The following DMD variants were observed in gnomAD, a reference collection of about 807,000 sequenced individuals.
DMD encodes dystrophin, also known as mutant dystrophin.
In DMD, 63 loss-of-function variants were observed where a neutral mutation model predicts 330.1. The ratio of observed to expected loss-of-function variants is 0.19; its 90% confidence interval spans 0.16 to 0.24. The LOEUF is 0.24. Among genes scored for constraint, DMD ranks in the 10% least tolerant of loss-of-function variants. The pLI is 1.00. For missense variants in DMD, 3,344 were observed against 2,684.1 expected (o/e 1.25, Z -5.43); for synonymous variants, 1,223 against 959.8 (o/e 1.27, Z -5.07).
intron 54 of DMD, among the ~76,000 whole-genome samples, chrX:31,650,447 G>C (rs2080387360): frequency 9.0e-6 from 1 of 111,202 alleles, no homozygotes; most frequent in Admixed American, 9.6e-5. Context: ...AACATCTGAT[G>C]AATTGTTTCA....
chrX:32,571,464 T>A (rs1043858667), intron 15 of DMD, among the ~76,000 whole-genome samples: 2 of 111,503 alleles, frequency 1.8e-5, no homozygotes, highest in African/African-American at 6.5e-5. Flanking sequence ...TGCTCAATCT[T>A]TTGGTCAACA....
chrX:31,940,545 C>T (rs2094982037), intron 45 of DMD, among the ~76,000 whole-genome samples: 1 of 111,673 alleles, frequency 9.0e-6, no homozygotes. Context: ...ATGTTAAAGA[C>T]ATCAGAGCCA....
intron 7 of DMD, among the ~76,000 whole-genome samples, chrX:32,736,328 C>G (rs1457821346): frequency 9.0e-6 from 1 of 111,462 alleles, no homozygotes; most frequent in Non-Finnish European, 1.9e-5. Context: ...GGACTGTAAA[C>G]TAGTTCAACC....
At chrX:32,202,175 A>G (rs1478858744) in intron 44 of DMD, among the ~76,000 whole-genome samples, 1 of 111,269 alleles carries the variant, frequency 9.0e-6, no homozygotes, top group Non-Finnish European at 1.9e-5. Context: ...CGTGCAGTAT[A>G]GTCTCCTTTG....
chrX:32,891,557 A>T (rs1214451867), intron 2 of DMD, among the ~76,000 whole-genome samples: 1 of 111,870 alleles, frequency 8.9e-6, no homozygotes, highest in Non-Finnish European at 1.9e-5. Flanking sequence ...TAATAAAGCG[A>T]TGTAGGACAA....
intron 21 of DMD, among the ~76,000 whole-genome samples, chrX:32,474,220 C>A (rs1428435511): frequency 9.1e-6 from 1 of 110,475 alleles, no homozygotes; most frequent in Non-Finnish European, 1.9e-5. Context: ...CACACACACA[C>A]ACACACACAC....
chrX:31,986,732 T>C (rs933135672), intron 44 of DMD, among the ~76,000 whole-genome samples: 7 of 112,366 alleles, frequency 6.2e-5, no homozygotes, highest in African/African-American at 3.2e-5. Context: ...TACTTTTGTG[T>C]ATTTTCAAAC....
rs757083905 is a variant in DMD at position 31,276,079 on chromosome X, C to T, written c.9225-15063G>A. ...TTGTTTTTTGTTTTTTGTTTTGAGACGGAGTCTCACTCTGTCACCCAGGTC... is the reference window on the plus strand; with the variant it reads ...TTGTTTTTTGTTTTTTGTTTTGAGATGGAGTCTCACTCTGTCACCCAGGTC... On this transcript the variant is annotated intron_variant, in intron 62 of 78. Transcript: ENST00000357033. Among the ~76,000 whole-genome samples, 5 of 111,908 alleles carry T rather than the reference C, an allele frequency of 4.5e-5. 1 individual carries two copies. Among genetic ancestry groups the T allele is most frequent in the Middle Eastern group, 8.4e-3 (2 of 238 alleles).
At position 31,178,289 on chromosome X, in the gene DMD, C is replaced by T. The variant is rs991023820; in HGVS notation, c.10224-319G>A. The T allele has an allele frequency of 2.0e-5, 20 of 1,001,798 alleles. No individual in the cohort carries two copies. The Admixed American group carries it at 8.0e-4, about 40-fold the overall frequency. 82.6% of individuals were successfully genotyped at this position (1,001,798 alleles called of 1,213,427 possible). A position where few individuals can be genotyped will look rare whatever the true frequency, so the allele number is the denominator to read the frequency against. ...GTAGAAACAAGTGACTAGATATGAC[C>T]ACACAATGAGATACAAAAAGACACA... On this transcript the variant is annotated intron_variant, in intron 70 of 78. Transcript: ENST00000357033.
At chrX:31,953,616 C>T (rs751144761) in intron 45 of DMD, among the ~76,000 whole-genome samples, 2 of 111,400 alleles carry the variant, frequency 1.8e-5, no homozygotes, top group Admixed American at 9.6e-5. Context: ...GGAGATTTAT[C>T]GAGCTACTCA....
intron 1 of DMD, among the ~76,000 whole-genome samples, chrX:33,300,958 G>A (rs1298734598): frequency 2.7e-5 from 3 of 111,734 alleles, no homozygotes; most frequent in African/African-American, 6.5e-5. Context: ...AACCAGTCGC[G>A]TTAGTATTGT....
At chrX:32,677,633 T>C (rs756542401) in intron 9 of DMD, among the ~76,000 whole-genome samples, 2 of 112,060 alleles carry the variant, frequency 1.8e-5, no homozygotes, top group East Asian at 2.8e-4. Flanking sequence ...ACAAAGTTAC[T>C]ATAAAAATCC....
chrX:32,917,603 C>T (rs1224259086), intron 2 of DMD, among the ~76,000 whole-genome samples: 2 of 111,663 alleles, frequency 1.8e-5, no homozygotes, highest in Non-Finnish European at 3.8e-5. Flanking sequence ...TTCTCTCTAA[C>T]TCTATATTGT....
chrX:32,533,385 T>A (rs995017330), intron 17 of DMD, among the ~76,000 whole-genome samples: 3 of 111,758 alleles, frequency 2.7e-5, no homozygotes, highest in Non-Finnish European at 5.6e-5. Context: ...GAATACTTAA[T>A]CCCATGTAAG....
chrX:32,667,231 A>T (rs943245012), intron 9 of DMD, among the ~76,000 whole-genome samples: 3 of 111,729 alleles, frequency 2.7e-5, no homozygotes, highest in Non-Finnish European at 5.6e-5. Flanking sequence ...CTTTCAGTTT[A>T]TTTAACAGGT....
At chrX:32,842,588 C>G (rs2080265647) in intron 4 of DMD, among the ~76,000 whole-genome samples, 1 of 110,918 alleles carries the variant, frequency 9.0e-6, no homozygotes, top group Admixed American at 9.6e-5. Context: ...TCAAAGTTCC[C>G]CAGCACTAGC....
intron 44 of DMD, among the ~76,000 whole-genome samples, chrX:32,208,206 G>C (rs16990155): frequency 0.018 from 2,032 of 112,142 alleles, 42 homozygotes; most frequent in African/African-American, 0.061. Context: ...ACAAAATTAT[G>C]AATCTCATAT....
intron 44 of DMD, among the ~76,000 whole-genome samples, chrX:32,131,583 C>T (rs2096694910): frequency 8.9e-6 from 1 of 111,753 alleles, no homozygotes; most frequent in African/African-American, 3.3e-5. Flanking sequence ...ACATTCTTGT[C>T]GCATTGGAAA....
chrX:31,523,455 G>GA (rs1345662247), intron 55 of DMD, among the ~76,000 whole-genome samples: 1 of 111,272 alleles, frequency 9.0e-6, no homozygotes, highest in Admixed American at 9.5e-5. Flanking sequence ...ACCAAAATGT[G>GA]ATTTTACTTA....
Sources: allele counts gnomAD v4.1 joint callset (sites outside exome capture counted in the v4.1 genomes callset), GRCh38; gene constraint gnomAD v4.1.1; transcripts MANE v1.5; gene names NCBI Gene and HGNC (gene_info 2026-07-23, HGNC 2026-07-21).